The following TSPAN5 variants were observed in gnomAD, a reference collection of about 807,000 sequenced individuals.
TSPAN5 encodes the protein tetraspanin-5.
In TSPAN5, 10 loss-of-function variants were observed where a neutral mutation model predicts 37.1. The observed-to-expected ratio is 0.27, with a 90% CI of 0.17 to 0.46. TSPAN5 has a LOEUF of 0.46. TSPAN5 is among the 20% of genes least tolerant of loss of function. The pLI is 1.00. For missense variants in TSPAN5, 195 were observed against 326.6 expected, an observed-to-expected ratio of 0.60 and a Z score of 3.11; for synonymous variants, 110 against 118.9, an observed-to-expected ratio of 0.93 and a Z score of 0.48.
chr4:98,539,585 G>A (rs1754314810), intron 1 of TSPAN5, among the ~76,000 whole-genome samples: 1 of 151,758 alleles, frequency 6.6e-6, no homozygotes, highest in African/African-American at 2.4e-5. Flanking sequence ...TTTTTTCCTG[G>A]TGATCTTTTG....
At chr4:98,619,375 T>C (rs931556138) in intron 1 of TSPAN5, among the ~76,000 whole-genome samples, 95 of 152,308 alleles carry the variant, frequency 6.2e-4, no homozygotes, top group African/African-American at 2.2e-3. Context: ...ATCATGAGCA[T>C]GAAACAATAA....
chr4:98,614,091 T>C (rs986096814), intron 1 of TSPAN5, among the ~76,000 whole-genome samples: 1 of 152,246 alleles, frequency 6.6e-6, no homozygotes, highest in Non-Finnish European at 1.5e-5. Flanking sequence ...TTCAAGAAAG[T>C]AGTTTAGCAG....
chr4:98,564,039 C>G (rs1754941665), intron 1 of TSPAN5, among the ~76,000 whole-genome samples: 1 of 152,184 alleles, frequency 6.6e-6, no homozygotes, highest in Admixed American at 6.5e-5. Context: ...AAAAAGCAGA[C>G]ACACACACAA....
intron 4 of TSPAN5, 68 bp from the exon 5 acceptor site, chr4:98,478,878 G>T: frequency 6.3e-7 from 1 of 1,576,328 alleles, no homozygotes; most frequent in Non-Finnish European, 8.6e-7. Context: ...ACTCACACCC[G>T]CCGAACGACA....
intron 1 of TSPAN5, among the ~76,000 whole-genome samples, chr4:98,649,829 C>T (rs1256806574): frequency 2.6e-5 from 4 of 152,150 alleles, no homozygotes; most frequent in East Asian, 3.9e-4. Context: ...CTGTGAACAA[C>T]GTGTTTCATT....
chr4:98,590,635 G>A (rs1462109468), intron 1 of TSPAN5, among the ~76,000 whole-genome samples: 10 of 151,852 alleles, frequency 6.6e-5, no homozygotes, highest in Admixed American at 3.3e-4. Flanking sequence ...ACTTGAATCC[G>A]GGAGGCAGAG....
chr4:98,623,360 C>T (rs1464700109), intron 1 of TSPAN5, among the ~76,000 whole-genome samples: 13 of 152,178 alleles, frequency 8.5e-5, no homozygotes, highest in East Asian at 1.9e-4. Flanking sequence ...AAATCAACAA[C>T]GATTAAAGCA....
At chr4:98,641,890 G>T (rs1756967653) in intron 1 of TSPAN5, among the ~76,000 whole-genome samples, 1 of 151,972 alleles carries the variant, frequency 6.6e-6, no homozygotes, top group African/African-American at 2.4e-5. Context: ...TATAAACTGG[G>T]GTCTTTGCTT....
chr4:98,626,106 A>C (rs1756593900), intron 1 of TSPAN5, among the ~76,000 whole-genome samples: 1 of 152,224 alleles, frequency 6.6e-6, no homozygotes, highest in Non-Finnish European at 1.5e-5. Context: ...GGCTGTTGAC[A>C]ACACAGGTGA....
rs1455756273 is a variant in TSPAN5 at position 98,597,906 on chromosome 4, C to T, written c.81+60240G>A. 3.7e-5 allele frequency among the ~76,000 whole-genome samples: 3 copies of T among 81,136 alleles called. No homozygotes were observed. The Admixed American group carries it at 3.9e-4, about 10-fold the overall frequency. 53.2% of individuals were successfully genotyped at this position (81,136 alleles called of 152,430 possible). On this transcript the variant is annotated intron_variant, in intron 1 of 7. Coordinates refer to ENST00000305798, the MANE Select transcript of TSPAN5 (RefSeq NM_005723.4). ...TGTCTTTTTGTTTGTCTGTGCCCTG[C>T]CCCCAGAGGTGGAGCCTACAGAGGC...
chr4:98,601,716 C>T (rs1755886623), intron 1 of TSPAN5, among the ~76,000 whole-genome samples: 1 of 152,198 alleles, frequency 6.6e-6, no homozygotes, highest in Non-Finnish European at 1.5e-5. Context: ...TGGAATAGCA[C>T]TTTCAATTTC....
intron 1 of TSPAN5, among the ~76,000 whole-genome samples, chr4:98,541,926 T>C (rs1754368603): frequency 6.6e-6 from 1 of 152,146 alleles, no homozygotes; most frequent in Non-Finnish European, 1.5e-5. Flanking sequence ...TGGTGGGTTT[T>C]ATTAAGGGAT....
chr4:98,612,733 C>T (rs901939194), intron 1 of TSPAN5, among the ~76,000 whole-genome samples: 2 of 152,160 alleles, frequency 1.3e-5, no homozygotes, highest in African/African-American at 4.8e-5. Flanking sequence ...GCCACAAGTC[C>T]CAATCATCTC....
intron 1 of TSPAN5, among the ~76,000 whole-genome samples, chr4:98,657,352 CCTT>C (rs1205309655): frequency 6.8e-6 from 1 of 147,734 alleles, no homozygotes; most frequent in Non-Finnish European, 1.5e-5. Flanking sequence ...GCCTCGCACA[CCTT>C]CTCCTTTGCA....
intron 1 of TSPAN5, among the ~76,000 whole-genome samples, chr4:98,622,536 T>G (rs1200483416): frequency 6.6e-6 from 1 of 152,222 alleles, no homozygotes; most frequent in Non-Finnish European, 1.5e-5. Context: ...ATCAGCAATG[T>G]CTGAGGGTTC....
At chr4:98,645,519 A>T (rs1757046551) in intron 1 of TSPAN5, among the ~76,000 whole-genome samples, 1 of 152,196 alleles carries the variant, frequency 6.6e-6, no homozygotes, top group Non-Finnish European at 1.5e-5. Flanking sequence ...CAGAATCCGC[A>T]TTTGAACAAC....
intron 1 of TSPAN5, among the ~76,000 whole-genome samples, chr4:98,592,428 G>GTTTT (rs35941064): frequency 2.5e-4 from 30 of 119,086 alleles, no homozygotes; most frequent in South Asian, 8.6e-4. Flanking sequence ...TCTGTTTTTT[G>GTTTT]TTTTTTTTTT....
chr4:98,572,420 T>C (rs1329561029), intron 1 of TSPAN5, among the ~76,000 whole-genome samples: 1 of 152,238 alleles, frequency 6.6e-6, no homozygotes, highest in Admixed American at 6.5e-5. Flanking sequence ...AAATATTTAA[T>C]GTGGCTGTGT....
chr4:98,589,687 C>A (rs1384546356), intron 1 of TSPAN5, among the ~76,000 whole-genome samples: 1 of 152,208 alleles, frequency 6.6e-6, no homozygotes, highest in African/African-American at 2.4e-5. Flanking sequence ...GAAACAGCAA[C>A]AATGTAATTA....
Sources: gnomAD v4.1 joint callset for allele counts (sites outside exome capture counted in the v4.1 genomes callset) on GRCh38, gnomAD v4.1.1 for gene constraint, MANE v1.5 for transcripts, NCBI Gene and HGNC (gene_info 2026-07-23, HGNC 2026-07-21) for gene names.